GTF2IRD1: variants seen among roughly 807,000 people sequenced by gnomAD.
GTF2IRD1 encodes the protein general transcription factor II-I repeat domain-containing protein 1.
Under a neutral mutation model 113.2 loss-of-function variants are expected in GTF2IRD1, and 26 were observed. The ratio of observed to expected loss-of-function variants is 0.23; its 90% CI spans 0.17 to 0.32. The LOEUF is 0.32. Among genes scored for constraint, GTF2IRD1 ranks in the 10% least tolerant of loss-of-function variants. The probability of loss-of-function intolerance (pLI) is 1.00; values close to 1 mark genes in which losing one functional copy is unlikely to be tolerated. For missense variants in GTF2IRD1, 864 were observed against 1,280.8 expected (o/e 0.67, Z 4.97); for synonymous variants, 484 against 529.1 (o/e 0.91, Z 1.17).
intron 22 of GTF2IRD1, among the ~76,000 whole-genome samples, chr7:74,584,250 C>T (rs1801592991): frequency 6.6e-6 from 1 of 151,980 alleles, no homozygotes; most frequent in Non-Finnish European, 1.5e-5. Flanking sequence ...TCGAGACTGG[C>T]CTGGGCAGCA....
At chr7:74,494,938 A>T (rs988928438) in intron 1 of GTF2IRD1, among the ~76,000 whole-genome samples, 5 of 152,040 alleles carry the variant, frequency 3.3e-5, no homozygotes, top group Non-Finnish European at 7.4e-5. Context: ...TTTTTTGTAG[A>T]GATGGGGGGT....
chr7:74,483,379 A>G (rs1794849920), intron 1 of GTF2IRD1, among the ~76,000 whole-genome samples: 1 of 151,976 alleles, frequency 6.6e-6, no homozygotes, highest in Non-Finnish European at 1.5e-5. Flanking sequence ...CTCTAAAAAA[A>G]AAAAAATTTT....
chr7:74,515,267 T>A, intron 3 of GTF2IRD1, 174 bp from the exon 4 acceptor site: 1 of 1,340,358 alleles, frequency 7.5e-7, no homozygotes, highest in Non-Finnish European at 1.0e-6. Flanking sequence ...TGGCCCTCAG[T>A]GGGGTGGTTG....
At chr7:74,485,533 T>C (rs1584496575) in intron 1 of GTF2IRD1, among the ~76,000 whole-genome samples, 2 of 148,916 alleles carry the variant, frequency 1.3e-5, no homozygotes, top group African/African-American at 2.5e-5. Flanking sequence ...AGGAGAATGG[T>C]GTGAACCCAG....
Position 74,555,708 on chromosome 7 carries a change from G to T in GTF2IRD1, c.2023+214G>T, listed in dbSNP as rs1190598452. Among the ~76,000 whole-genome samples the T allele has an allele frequency of 2.0e-5, 3 of 152,114 alleles. No individual in the cohort carries two copies. In the East Asian group the frequency reaches 5.8e-4, roughly 29 times the overall value. Reference sequence around the variant, plus strand: ...GAGAGGGGGTGCCTACAGGTGGACGGTCGGGGGAGCCCAGGAGCCTGCCTG... The same window carrying T: ...GAGAGGGGGTGCCTACAGGTGGACGTTCGGGGGAGCCCAGGAGCCTGCCTG... On this transcript the variant is annotated intron_variant, in intron 19 of 26. Coordinates refer to ENST00000424337, the MANE Select transcript of GTF2IRD1 (RefSeq NM_005685.4). The surrounding 1 kb of genome is among the most constrained non-coding windows in gnomAD (Gnocchi z 5.3).
intron 1 of GTF2IRD1, among the ~76,000 whole-genome samples, chr7:74,491,265 T>G (rs1416931897): frequency 8.6e-5 from 13 of 150,386 alleles, no homozygotes; most frequent in African/African-American, 2.9e-4. Flanking sequence ...GAGATCCCAC[T>G]GCTGCACTCC....
At chr7:74,527,739 G>T (rs587754783) in intron 8 of GTF2IRD1, among the ~76,000 whole-genome samples, 6 of 152,204 alleles carry the variant, frequency 3.9e-5, no homozygotes, top group African/African-American at 1.4e-4. Context: ...CTACTCGGGA[G>T]GCTGAGGCAG....
intron 6 of GTF2IRD1, 26 bp downstream of exon 6, chr7:74,519,745 G>A: frequency 6.7e-7 from 1 of 1,502,028 alleles, no homozygotes; most frequent in Non-Finnish European, 9.0e-7. Flanking sequence ...GGATCTCCAA[G>A]TCTAGGGGGT....
chr7:74,501,441 C>A (rs1796023989), intron 1 of GTF2IRD1, among the ~76,000 whole-genome samples: 1 of 152,212 alleles, frequency 6.6e-6, no homozygotes, highest in Non-Finnish European at 1.5e-5. Flanking sequence ...CCCTGTGACT[C>A]CTTCCGTCTC....
chr7:74,485,582 A>T (rs1218313370), intron 1 of GTF2IRD1, among the ~76,000 whole-genome samples: 1 of 151,686 alleles, frequency 6.6e-6, no homozygotes, highest in Non-Finnish European at 1.5e-5. Context: ...GTGCCACTGC[A>T]GTCTGGCCTG....
intron 1 of GTF2IRD1, among the ~76,000 whole-genome samples, chr7:74,481,678 T>A (rs1794748848): frequency 6.6e-6 from 1 of 152,312 alleles, no homozygotes; most frequent in African/African-American, 2.4e-5. Context: ...CTGCTGGGCA[T>A]CAGGTTGCCT....
chr7:74,500,585 G>GTGTA (rs1795979055), intron 1 of GTF2IRD1, among the ~76,000 whole-genome samples: 1 of 148,690 alleles, frequency 6.7e-6, no homozygotes, highest in Admixed American at 6.6e-5. Context: ...GAGGTTGTTC[G>GTGTA]TGTATGTGTG....
At chr7:74,492,169 A>C (rs1488827172) in intron 1 of GTF2IRD1, among the ~76,000 whole-genome samples, 1 of 149,654 alleles carries the variant, frequency 6.7e-6, no homozygotes, top group African/African-American at 2.5e-5. Flanking sequence ...ATTCCCGGCT[A>C]ATTTTTTTTT....
At chr7:74,585,173 C>T (rs111721928) in intron 22 of GTF2IRD1, among the ~76,000 whole-genome samples, 342 of 141,120 alleles carry the variant, frequency 2.4e-3, no homozygotes, top group Admixed American at 4.6e-3. Context: ...AGTGCAGTGG[C>T]GCAATCTCAG....
intron 1 of GTF2IRD1, among the ~76,000 whole-genome samples, chr7:74,496,609 T>C (rs963877417): frequency 2.1e-5 from 3 of 145,498 alleles, no homozygotes; most frequent in Non-Finnish European, 4.5e-5. Context: ...GGTGTGCATG[T>C]ATGTGGGTGT....
chr7:74,542,807 A>T (rs1798705927), intron 14 of GTF2IRD1, among the ~76,000 whole-genome samples: 1 of 152,210 alleles, frequency 6.6e-6, no homozygotes, highest in Non-Finnish European at 1.5e-5. Flanking sequence ...AGAAGCCTCC[A>T]TGCAGCACTC....
At chr7:74,460,387 C>T (rs112308777) in intron 1 of GTF2IRD1, among the ~76,000 whole-genome samples, 4,395 of 151,824 alleles carry the variant, frequency 0.029, 241 homozygotes, top group African/African-American at 0.099. Flanking sequence ...CCTCCCACCT[C>T]AGCCTCTGCA....
In GTF2IRD1 at chr7:74,508,107, C is replaced by T. The variant is rs144243800; in HGVS notation, c.27C>T (p.Asp9=). 1.7e-4 allele frequency: 267 copies of T among 1,609,850 alleles called. No homozygotes were observed. Among genetic ancestry groups the T allele is most frequent in the Non-Finnish European group, 2.1e-4 (243 of 1,179,932 alleles). ...TGGCCTTGCTGGGTAAGCGCTGTGACGTCCCCACCAACGGCTGCGGACCCG... is the reference window on the plus strand; with the variant it reads ...TGGCCTTGCTGGGTAAGCGCTGTGATGTCCCCACCAACGGCTGCGGACCCG... MALLGKRC[D]VPTNGCGPDR... Residue 9 remains aspartate (D), a synonymous_variant, in exon 2 of 27, where the codon GAC becomes GAT. Transcript: ENST00000424337.
At chr7:74,484,039 G>A (rs112018405) in intron 1 of GTF2IRD1, among the ~76,000 whole-genome samples, 132 of 152,228 alleles carry the variant, frequency 8.7e-4, no homozygotes, top group African/African-American at 2.9e-3. Context: ...TTGATAAGTG[G>A]GCAGCTTCCA....
Sources: allele counts gnomAD v4.1 joint callset (sites outside exome capture counted in the v4.1 genomes callset), GRCh38; gene constraint gnomAD v4.1.1; non-coding constraint Gnocchi (gnomAD v3.1); transcripts MANE v1.5; gene names NCBI Gene and HGNC (gene_info 2026-07-23, HGNC 2026-07-21).